The following KCNJ6 variants were observed in gnomAD, a reference collection of about 807,000 sequenced individuals.
KCNJ6 encodes G protein-activated inward rectifier potassium channel 2.
KCNJ6 carries 9 observed loss-of-function variants against 34.2 expected under a neutral mutation model. The observed-to-expected ratio is 0.26, with a 90% CI of 0.16 to 0.46. The LOEUF (loss-of-function observed/expected upper bound fraction) is 0.46. KCNJ6 is among the 20% of genes least tolerant of loss of function. KCNJ6 has a pLI of 1.00. For synonymous variants in KCNJ6, 196 were observed against 207.1 expected, an observed-to-expected ratio of 0.95 and a Z score of 0.46; for missense variants, 236 against 531.3, an observed-to-expected ratio of 0.44 and a Z score of 5.46.
chr21:37,613,839 T>A lies in KCNJ6; in HGVS notation c.*11320A>T, dbSNP rs1023944619. ...TCCTGTATGATTCTATAATGGTGGA[T>A]CCATGCCTTTATACATTTGCCCAAA... is the stretch of plus-strand genomic sequence containing the variant. On this transcript the variant is annotated 3_prime_UTR_variant, in exon 4 of 4. Coordinates refer to ENST00000609713, the MANE Select transcript of KCNJ6 (RefSeq NM_002240.5). 6.6e-6 allele frequency: 1 copy of A among 152,184 alleles called. No individual in the cohort carries two copies. Among genetic ancestry groups the A allele is most frequent in the African/African-American group, 2.4e-5 (1 of 41,446 alleles). 9.4% of individuals were successfully genotyped at this position (152,184 alleles called of 1,614,324 possible). A position where few individuals can be genotyped will look rare whatever the true frequency, so the allele number is the denominator to read the frequency against.
At chr21:37,666,657 G>C (rs144665857) in intron 3 of KCNJ6, among the ~76,000 whole-genome samples, 1 of 152,252 alleles carries the variant, frequency 6.6e-6, no homozygotes, top group African/African-American at 2.4e-5. Flanking sequence ...GCTCTGAAGA[G>C]ACAGTGACCA....
intron 2 of KCNJ6, among the ~76,000 whole-genome samples, chr21:37,722,145 A>G (rs2054830164): frequency 6.6e-6 from 1 of 152,178 alleles, no homozygotes; most frequent in Non-Finnish European, 1.5e-5. Flanking sequence ...TCATTTCTAT[A>G]CACTAATAAT....
chr21:37,746,932 G>C (rs756344050), intron 2 of KCNJ6, among the ~76,000 whole-genome samples: 1 of 152,222 alleles, frequency 6.6e-6, no homozygotes, highest in East Asian at 1.9e-4. Context: ...CCAGCTACTA[G>C]AATTGATGGC....
intron 2 of KCNJ6, among the ~76,000 whole-genome samples, chr21:37,838,944 C>A (rs545303954): frequency 3.3e-5 from 5 of 152,154 alleles, no homozygotes; most frequent in Admixed American, 6.5e-5. Flanking sequence ...GGAACCCCCT[C>A]CCCCTACTTC....
At chr21:37,911,833 T>A (rs2055868371) in intron 1 of KCNJ6, among the ~76,000 whole-genome samples, 1 of 152,212 alleles carries the variant, frequency 6.6e-6, no homozygotes, top group Non-Finnish European at 1.5e-5. Context: ...AACAGCAACA[T>A]TTTCTACCTG....
chr21:37,842,799 A>G (rs140093398), intron 1 of KCNJ6, among the ~76,000 whole-genome samples: 2 of 152,294 alleles, frequency 1.3e-5, no homozygotes, highest in Non-Finnish European at 2.9e-5. Flanking sequence ...GGGTTGTGAC[A>G]ATTCAGGCCT....
At chr21:37,645,289 C>G (rs1322950604) in intron 3 of KCNJ6, among the ~76,000 whole-genome samples, 2 of 152,002 alleles carry the variant, frequency 1.3e-5, no homozygotes, top group Non-Finnish European at 2.9e-5. Flanking sequence ...TGCTTGAACC[C>G]CAGAGGTCGA....
At chr21:37,771,784 A>C (rs1383520927) in intron 2 of KCNJ6, among the ~76,000 whole-genome samples, 2 of 152,230 alleles carry the variant, frequency 1.3e-5, no homozygotes, top group Admixed American at 6.5e-5. Flanking sequence ...GGAACTTCCC[A>C]AAGTATGCTT....
chr21:37,730,572 C>T (rs1351250784), intron 2 of KCNJ6, among the ~76,000 whole-genome samples: 2 of 152,222 alleles, frequency 1.3e-5, no homozygotes, highest in Non-Finnish European at 2.9e-5. Flanking sequence ...CAATTTGTAA[C>T]TACAATAATC....
intron 2 of KCNJ6, among the ~76,000 whole-genome samples, chr21:37,760,018 T>C (rs1479444074): frequency 6.6e-6 from 1 of 152,100 alleles, no homozygotes; most frequent in Non-Finnish European, 1.5e-5. Flanking sequence ...AACGAATGCC[T>C]CTCACCCACA....
chr21:37,745,021 G>C (rs1457131807), intron 2 of KCNJ6, among the ~76,000 whole-genome samples: 2 of 150,472 alleles, frequency 1.3e-5, no homozygotes, highest in Admixed American at 1.3e-4. Context: ...CAGCAGAAGA[G>C]AGGGAACCAG....
At chr21:37,640,369 G>T (rs1274930949) in intron 3 of KCNJ6, among the ~76,000 whole-genome samples, 1 of 152,190 alleles carries the variant, frequency 6.6e-6, no homozygotes, top group Non-Finnish European at 1.5e-5. Flanking sequence ...CAGTCACATG[G>T]GGAAAACAAT....
intron 1 of KCNJ6, among the ~76,000 whole-genome samples, chr21:37,867,482 T>C (rs1009739241): frequency 6.6e-6 from 1 of 152,200 alleles, no homozygotes; most frequent in African/African-American, 2.4e-5. Context: ...CTTTTGAGAG[T>C]AATATCAAGA....
At chr21:37,817,608 GA>G (rs1487256675) in intron 2 of KCNJ6, among the ~76,000 whole-genome samples, 4 of 152,194 alleles carry the variant, frequency 2.6e-5, no homozygotes, top group African/African-American at 9.7e-5. Context: ...CTGAGAGACA[GA>G]GGGGGTATTC....
At position 37,684,316 on chromosome 21, in the gene KCNJ6, C is replaced by T. The variant is rs530161470; in HGVS notation, c.946+29895G>A. 5.9e-5 allele frequency among the ~76,000 whole-genome samples: 9 copies of T among 151,268 alleles called. No homozygotes were observed. In the East Asian group the frequency reaches 9.8e-4, roughly 16 times the overall value. On this transcript the variant is annotated intron_variant, in intron 3 of 3. Coordinates refer to ENST00000609713, the MANE Select transcript of KCNJ6 (RefSeq NM_002240.5). The stretch of plus-strand genomic sequence containing the variant: ...TGTCATCTTCACACGGCCTTCTCCC[C>T]GTGCACATGTCTGTGTCCAAATTTC...
intron 3 of KCNJ6, among the ~76,000 whole-genome samples, chr21:37,655,221 GT>G (rs2054455835): frequency 0.041 from 781 of 18,922 alleles, 35 homozygotes; most frequent in East Asian, 0.092. Context: ...GTGTGTGTGT[GT>G]GTGAGAGAGA....
chr21:37,697,418 C>T (rs768175621), intron 3 of KCNJ6, among the ~76,000 whole-genome samples: 5 of 152,074 alleles, frequency 3.3e-5, no homozygotes, highest in East Asian at 3.9e-4. Flanking sequence ...CAAAGCAAGC[C>T]GGGAAGAACC....
intron 3 of KCNJ6, among the ~76,000 whole-genome samples, chr21:37,647,565 T>A (rs2123383622): frequency 6.6e-6 from 1 of 152,162 alleles, no homozygotes; most frequent in South Asian, 2.1e-4. Context: ...CTCATGAAGC[T>A]CTCTCACTCC....
chr21:37,853,574 T>A (rs2055547898), intron 1 of KCNJ6, among the ~76,000 whole-genome samples: 1 of 151,964 alleles, frequency 6.6e-6, no homozygotes, highest in South Asian at 2.1e-4. Flanking sequence ...AGAAGCAATC[T>A]TGACACATCT....
Sources: gnomAD v4.1 joint callset for allele counts (sites outside exome capture counted in the v4.1 genomes callset) on GRCh38, gnomAD v4.1.1 for gene constraint, MANE v1.5 for transcripts, NCBI Gene and HGNC (gene_info 2026-07-23, HGNC 2026-07-21) for gene names.